ARHGAP19: variants seen among roughly 807,000 people sequenced by gnomAD.
ARHGAP19 encodes rho GTPase-activating protein 19.
Under a neutral mutation model 60.9 loss-of-function variants are expected in ARHGAP19, and 48 were observed. The observed-to-expected ratio is 0.79, with a 90% CI of 0.62 to 1.00. The LOEUF is 1.00. Ranked by LOEUF, ARHGAP19 falls within the 50% of genes least tolerant of loss-of-function variation. The pLI is 0.00. For synonymous variants in ARHGAP19, 209 were observed against 215.5 expected (o/e 0.97, Z 0.27); for missense variants, 562 against 597.2 (o/e 0.94, Z 0.61).
intron 1 of ARHGAP19, among the ~76,000 whole-genome samples, chr10:97,291,943 C>G (rs539590415): frequency 3.0e-4 from 45 of 152,178 alleles, no homozygotes; most frequent in African/African-American, 1.1e-3. Context: ...GACTACAGAT[C>G]CCTCTCCCAT....
At chr10:97,252,097 A>G (rs1179961858) in intron 6 of ARHGAP19, among the ~76,000 whole-genome samples, 1 of 152,102 alleles carries the variant, frequency 6.6e-6, no homozygotes, top group East Asian at 1.9e-4. Context: ...TGGACTGATA[A>G]CAGTAGAGGA....
At chr10:97,250,670 G>T (rs529685011) in intron 6 of ARHGAP19, among the ~76,000 whole-genome samples, 1 of 151,074 alleles carries the variant, frequency 6.6e-6, no homozygotes, top group African/African-American at 2.4e-5. Context: ...GAGCCACCAC[G>T]CCCAGCCAGT....
chr10:97,279,890 T>C (rs918272570), intron 1 of ARHGAP19, among the ~76,000 whole-genome samples: 1 of 152,210 alleles, frequency 6.6e-6, no homozygotes, highest in Non-Finnish European at 1.5e-5. Context: ...CTAAACATTT[T>C]TGGAATCCTA....
At chr10:97,244,885 CTTT>C (rs529762498) in intron 7 of ARHGAP19, among the ~76,000 whole-genome samples, 215 of 131,742 alleles carry the variant, frequency 1.6e-3, no homozygotes, top group Middle Eastern at 7.9e-3. Flanking sequence ...TAACTTCTCA[CTTT>C]TTTTTTTTTT....
intron 6 of ARHGAP19, among the ~76,000 whole-genome samples, chr10:97,248,918 A>G (rs537850432): frequency 6.6e-6 from 1 of 152,094 alleles, no homozygotes; most frequent in Non-Finnish European, 1.5e-5. Context: ...CCCGGGCTCA[A>G]GCCATCCTAC....
intron 1 of ARHGAP19, among the ~76,000 whole-genome samples, chr10:97,276,015 C>T (rs865807688): frequency 0.013 from 13 of 1,022 alleles, no homozygotes; most frequent in Non-Finnish European, 0.011. Flanking sequence ...CCGCCCCGTC[C>T]GGGAGGTGAG....
chr10:97,260,538 G>GA (rs750346831), intron 4 of ARHGAP19, among the ~76,000 whole-genome samples: 44 of 151,082 alleles, frequency 2.9e-4, no homozygotes, highest in Non-Finnish European at 4.1e-4. Context: ...TCAAAAAAAA[G>GA]AAAAAACAAA....
chr10:97,283,869 T>C (rs11189092), intron 1 of ARHGAP19, among the ~76,000 whole-genome samples: 6,388 of 149,242 alleles, frequency 0.043, 210 homozygotes, highest in Non-Finnish European at 0.061. Context: ...ATATTAATAA[T>C]GGTTGTATCT....
intron 6 of ARHGAP19, among the ~76,000 whole-genome samples, chr10:97,247,179 T>A (rs571263794): frequency 4.8e-4 from 71 of 149,334 alleles, no homozygotes; most frequent in African/African-American, 1.6e-3. Flanking sequence ...GGCATGGTGG[T>A]GCATGCCTGT....
chr10:97,253,333 G>C (rs952716486), intron 6 of ARHGAP19, among the ~76,000 whole-genome samples: 6 of 149,574 alleles, frequency 4.0e-5, no homozygotes, highest in Non-Finnish European at 8.9e-5. Flanking sequence ...AGCTGAGATT[G>C]CATCACTGCA....
At chr10:97,233,697 G>A (rs1046989688) in intron 9 of ARHGAP19, among the ~76,000 whole-genome samples, 15 of 150,476 alleles carry the variant, frequency 1.0e-4, no homozygotes, top group South Asian at 2.1e-4. Flanking sequence ...GTGAAACCTC[G>A]TCTCTACTAA....
intron 4 of ARHGAP19, among the ~76,000 whole-genome samples, 195 bp downstream of exon 4, chr10:97,263,225 A>C (rs544330962): frequency 2.0e-4 from 30 of 152,328 alleles, no homozygotes; most frequent in African/African-American, 4.8e-4. Flanking sequence ...CTTATTTATC[A>C]AGAAAGCCAT....
chr10:97,227,717 A>G (rs1185461433), intron 11 of ARHGAP19, among the ~76,000 whole-genome samples: 6 of 152,150 alleles, frequency 3.9e-5, no homozygotes, highest in Non-Finnish European at 7.4e-5. Context: ...AATTAGAACC[A>G]TATATTCTCT....
rs901340294 is a variant in ARHGAP19 at position 97,223,947 on chromosome 10, C to T, written c.*2175G>A. On this transcript the variant is annotated 3_prime_UTR_variant, in exon 12 of 12. Coordinates refer to ENST00000358531, the MANE Select transcript of ARHGAP19 (RefSeq NM_032900.6). ...ATATTCAATAAATAAACAAAACACA[C>T]ATAAACCACCCAAGGAGACCAGCTA... 1.1e-4 allele frequency: 16 copies of T among 152,198 alleles called. No individual in the cohort carries two copies. Among genetic ancestry groups the T allele is most frequent in the South Asian group, 4.1e-4 (2 of 4,826 alleles). 9.4% of individuals were successfully genotyped at this position (152,198 alleles called of 1,614,324 possible).
intron 1 of ARHGAP19, among the ~76,000 whole-genome samples, chr10:97,292,204 GAGA>G (rs1027257068): frequency 1.3e-5 from 2 of 152,202 alleles, no homozygotes. Flanking sequence ...AAGTGCCTCG[GAGA>G]AGATGTGAAG....
intron 1 of ARHGAP19, among the ~76,000 whole-genome samples, chr10:97,268,728 GA>G (rs1440815131): frequency 1.3e-5 from 2 of 152,142 alleles, no homozygotes; most frequent in Non-Finnish European, 2.9e-5. Flanking sequence ...CTGCCCCCAT[GA>G]TTCAATTACC....
chr10:97,291,809 A>C (rs893677167), intron 1 of ARHGAP19, among the ~76,000 whole-genome samples: 7 of 152,224 alleles, frequency 4.6e-5, no homozygotes, highest in Admixed American at 2.6e-4. Context: ...ATTGTAATCA[A>C]TTAAGACAAC....
In ARHGAP19 at chr10:97,224,290, T is replaced by G. The variant is rs1193838060; in HGVS notation, c.*1832A>C. 6.6e-6 allele frequency: 1 copy of G among 152,232 alleles called. No homozygotes were observed. The highest frequency in any genetic ancestry group is 6.5e-5 in the Admixed American group (1 of 15,284). 9.4% of individuals were successfully genotyped at this position (152,232 alleles called of 1,614,324 possible). A position where few individuals can be genotyped will look rare whatever the true frequency, so the allele number is the denominator to read the frequency against. ...GGTGATACCCAAAGGGTTTTCTGTT[T>G]GAATTAACTGATATCTGGTGTAAGG... On this transcript the variant is annotated 3_prime_UTR_variant, in exon 12 of 12. Transcript: ENST00000358531.
intron 6 of ARHGAP19, among the ~76,000 whole-genome samples, chr10:97,250,957 G>A (rs1589455254): frequency 6.6e-6 from 1 of 151,548 alleles, no homozygotes; most frequent in East Asian, 2.0e-4. Context: ...CAGCTGCTTG[G>A]GAATCTGAGG....
Sources: gnomAD v4.1 joint callset for allele counts (sites outside exome capture counted in the v4.1 genomes callset) on GRCh38, gnomAD v4.1.1 for gene constraint, MANE v1.5 for transcripts, NCBI Gene and HGNC (gene_info 2026-07-23, HGNC 2026-07-21) for gene names.